PRKN: variants seen among roughly 807,000 people sequenced by gnomAD.
The protein encoded by PRKN is E3 ubiquitin-protein ligase parkin.
PRKN carries 56 observed loss-of-function variants against 59.5 expected under a neutral mutation model. The ratio of observed to expected loss-of-function variants is 0.94; its 90% CI spans 0.76 to 1.18. PRKN has a LOEUF of 1.18. PRKN is among the 50% of genes most tolerant of loss of function. The probability of loss-of-function intolerance (pLI) is 0.00; values close to 1 mark genes in which losing one functional copy is unlikely to be tolerated. For missense variants in PRKN, 657 were observed against 596.4 expected, an observed-to-expected ratio of 1.10 and a Z score of -1.06; for synonymous variants, 250 against 222.1, an observed-to-expected ratio of 1.13 and a Z score of -1.12.
intron 10 of PRKN, among the ~76,000 whole-genome samples, chr6:161,364,930 C>CAA (rs67693234): frequency 0.016 from 1,926 of 121,000 alleles, 34 homozygotes; most frequent in African/African-American, 0.055. Flanking sequence ...GACTTTGTCT[C>CAA]AAAAAAAAAA....
At chr6:162,667,741 T>C (rs763307726) in intron 1 of PRKN, among the ~76,000 whole-genome samples, 1 of 152,128 alleles carries the variant, frequency 6.6e-6, no homozygotes. Flanking sequence ...AATATCTGGA[T>C]TGGAATCTCG....
chr6:161,622,330 G>A (rs578074093), intron 7 of PRKN, among the ~76,000 whole-genome samples: 28 of 152,296 alleles, frequency 1.8e-4, no homozygotes, highest in African/African-American at 4.1e-4. Flanking sequence ...GGTCTGCCCC[G>A]TAGGCTCTGA....
chr6:162,440,476 G>T (rs1282240644), intron 2 of PRKN, among the ~76,000 whole-genome samples: 1 of 152,190 alleles, frequency 6.6e-6, no homozygotes, highest in Non-Finnish European at 1.5e-5. Flanking sequence ...TGCTCAGTAT[G>T]TGGGGTGACC....
At chr6:162,186,740 G>A (rs899738413) in intron 4 of PRKN, among the ~76,000 whole-genome samples, 4 of 152,152 alleles carry the variant, frequency 2.6e-5, no homozygotes, top group East Asian at 1.9e-4. Flanking sequence ...CACAAGATCC[G>A]TTTGTTTAAA....
At chr6:162,353,597 C>T (rs1223908281) in intron 2 of PRKN, among the ~76,000 whole-genome samples, 1 of 151,890 alleles carries the variant, frequency 6.6e-6, no homozygotes, top group Non-Finnish European at 1.5e-5. Flanking sequence ...ATGAATAATA[C>T]ACAATCTGCA....
chr6:162,361,136 G>A (rs1441514111), intron 2 of PRKN, among the ~76,000 whole-genome samples: 1 of 152,012 alleles, frequency 6.6e-6, no homozygotes, highest in Non-Finnish European at 1.5e-5. Context: ...CACCACCCAG[G>A]AAACCATAAC....
At chr6:162,422,604 G>T (rs1027814570) in intron 2 of PRKN, among the ~76,000 whole-genome samples, 1 of 152,048 alleles carries the variant, frequency 6.6e-6, no homozygotes, top group Non-Finnish European at 1.5e-5. Flanking sequence ...AATTGAGAGG[G>T]CTCAGGTATC....
At chr6:162,181,692 G>A (rs1448427388) in intron 4 of PRKN, among the ~76,000 whole-genome samples, 1 of 152,130 alleles carries the variant, frequency 6.6e-6, no homozygotes, top group Non-Finnish European at 1.5e-5. Context: ...AGAATCATAA[G>A]TAGGAATCAC....
In PRKN at chr6:161,458,779, G is replaced by A. The variant is rs948625173; in HGVS notation, c.1084-71902C>T. On this transcript the variant is annotated intron_variant, in intron 9 of 11. Transcript: ENST00000366898. The surrounding 1 kb of genome is among the most constrained non-coding windows in gnomAD (Gnocchi z 6.1). Reference sequence around the variant, plus strand: ...GTCTGCATGTGTTAGGCTGTGGGTAGGCAAGCTTGTCAATGGAGAAATACT... The same window carrying A: ...GTCTGCATGTGTTAGGCTGTGGGTAAGCAAGCTTGTCAATGGAGAAATACT... Among the ~76,000 whole-genome samples the A allele has an allele frequency of 7.2e-5, 11 of 152,164 alleles. No individual in the cohort carries two copies. The highest frequency in any genetic ancestry group is 1.5e-4 in the Non-Finnish European group (10 of 68,040).
Position 162,467,946 on chromosome 6 carries a change from A to C in PRKN, c.8-24473T>G, listed in dbSNP as rs578008450. ...CTTGCCTCCTATCTTTCCATGACTCATTCACAGCCTCTAGAGAGTATCTCA... is the reference window on the plus strand; with the variant it reads ...CTTGCCTCCTATCTTTCCATGACTCCTTCACAGCCTCTAGAGAGTATCTCA... On this transcript the variant is annotated intron_variant, in intron 1 of 11. Transcript: ENST00000366898. Among the ~76,000 whole-genome samples the C allele has an allele frequency of 3.3e-5, 5 of 152,224 alleles. No individual in the cohort carries two copies. The East Asian group carries it at 9.7e-4, about 29-fold the overall frequency.
In PRKN at chr6:161,893,243, G is replaced by T. The variant is rs537013031; in HGVS notation, c.734+80059C>A. Among the ~76,000 whole-genome samples, 7 of 152,254 alleles carry T rather than the reference G, an allele frequency of 4.6e-5. 1 individual carries two copies. The South Asian group carries it at 1.4e-3, about 32-fold the overall frequency. On this transcript the variant is annotated intron_variant, in intron 6 of 11. Coordinates refer to ENST00000366898, the MANE Select transcript of PRKN (RefSeq NM_004562.3). Reference sequence around the variant, plus strand: ...TTTTGGTATGCTCTTTCAAGGCAAAGGTATAGATAATCCCAGCCATCAGGA... The same window carrying T: ...TTTTGGTATGCTCTTTCAAGGCAAATGTATAGATAATCCCAGCCATCAGGA...
intron 6 of PRKN, among the ~76,000 whole-genome samples, chr6:161,821,119 A>T (rs1792004879): frequency 6.6e-6 from 1 of 152,166 alleles, no homozygotes; most frequent in South Asian, 2.1e-4. Flanking sequence ...TTTTCAGAGA[A>T]AATAATTTTT....
chr6:162,705,405 A>G (rs965295336), intron 1 of PRKN, among the ~76,000 whole-genome samples: 2 of 152,180 alleles, frequency 1.3e-5, no homozygotes, highest in Admixed American at 6.5e-5. Flanking sequence ...CTTTCCATCA[A>G]TATGCCCTTA....
At position 161,371,761 on chromosome 6, in the gene PRKN, C is replaced by G. The variant is rs932428914; in HGVS notation, c.1168-11556G>C. Among the ~76,000 whole-genome samples the G allele has an allele frequency of 1.3e-5, 2 of 152,208 alleles. No individual in the cohort carries two copies. The highest frequency in any genetic ancestry group is 2.9e-5 in the Non-Finnish European group (2 of 68,046). ...TCAAGCGATTCTCATGCCTCAGCCT[C>G]CTGAGTAGCTGGGATTACAGGCATG... On this transcript the variant is annotated intron_variant, in intron 10 of 11. Coordinates refer to ENST00000366898, the MANE Select transcript of PRKN (RefSeq NM_004562.3). The surrounding 1 kb of genome is among the most constrained non-coding windows in gnomAD (Gnocchi z 5.5).
intron 1 of PRKN, among the ~76,000 whole-genome samples, chr6:162,631,132 C>T (rs1783094374): frequency 6.6e-6 from 1 of 152,102 alleles, no homozygotes; most frequent in African/African-American, 2.4e-5. Context: ...AGGACATGGT[C>T]ATCTACTGTG....
At chr6:161,570,470 C>A (rs1160654994) in intron 7 of PRKN, among the ~76,000 whole-genome samples, 1 of 151,352 alleles carries the variant, frequency 6.6e-6, no homozygotes, top group Non-Finnish European at 1.5e-5. Flanking sequence ...TCTGCCTCTG[C>A]TACCCCTGAG....
chr6:161,724,057 C>T (rs1787340222), intron 7 of PRKN, among the ~76,000 whole-genome samples: 1 of 152,202 alleles, frequency 6.6e-6, no homozygotes. Flanking sequence ...CAACATTTCT[C>T]CATTCAGTGA....
At chr6:161,975,975 G>C (rs1477234445) in intron 5 of PRKN, among the ~76,000 whole-genome samples, 1 of 151,930 alleles carries the variant, frequency 6.6e-6, no homozygotes, top group African/African-American at 2.4e-5. Flanking sequence ...GTGCAGTCTT[G>C]GCTCACTGCA....
At chr6:162,595,573 G>C (rs1243808425) in intron 1 of PRKN, among the ~76,000 whole-genome samples, 2 of 151,992 alleles carry the variant, frequency 1.3e-5, no homozygotes, top group Non-Finnish European at 2.9e-5. Context: ...GATTTTTCTT[G>C]AGGTTTGGCT....
Sources: allele counts gnomAD v4.1 joint callset (sites outside exome capture counted in the v4.1 genomes callset), GRCh38; gene constraint gnomAD v4.1.1; non-coding constraint Gnocchi (gnomAD v3.1); transcripts MANE v1.5; gene names NCBI Gene and HGNC (gene_info 2026-07-23, HGNC 2026-07-21).